HEPHL1: variants seen among roughly 807,000 people sequenced by gnomAD.
HEPHL1 encodes ferroxidase HEPHL1.
A neutral mutation model predicts 122.0 loss-of-function variants in HEPHL1; 123 were observed. The observed-to-expected ratio is 1.01, with a 90% confidence interval of 0.87 to 1.17. HEPHL1 has a LOEUF of 1.17. HEPHL1 is among the 50% of genes most tolerant of loss of function. HEPHL1 has a pLI of 0.00. For missense variants in HEPHL1, 1,452 were observed against 1,430.5 expected (o/e 1.01, Z -0.24); for synonymous variants, 527 against 508.9 (o/e 1.04, Z -0.48).
At chr11:94,064,709 A>G (rs1221109519) in intron 4 of HEPHL1, among the ~76,000 whole-genome samples, 199 bp downstream of exon 4, 3 of 152,168 alleles carry the variant, frequency 2.0e-5, no homozygotes, top group African/African-American at 7.2e-5. Context: ...CAGTGGATGC[A>G]TGCTAAATTG....
chr11:94,060,149 T>TATAC (rs1945974993), intron 2 of HEPHL1, among the ~76,000 whole-genome samples: 1 of 103,010 alleles, frequency 9.7e-6, no homozygotes, highest in African/African-American at 3.9e-5. Flanking sequence ...TATATATATA[T>TATAC]ACACGCACTG....
intron 2 of HEPHL1, among the ~76,000 whole-genome samples, chr11:94,046,188 T>TG (rs1196903776): frequency 1.4e-5 from 2 of 141,502 alleles, no homozygotes; most frequent in African/African-American, 5.2e-5. Context: ...TCCGTCTCCC[T>TG]GGTTCAGGAT....
chr11:94,092,458 G>A (rs891539943), intron 12 of HEPHL1, among the ~76,000 whole-genome samples: 1 of 152,178 alleles, frequency 6.6e-6, no homozygotes, highest in Non-Finnish European at 1.5e-5. Flanking sequence ...TTCAGCTGAG[G>A]TCAAACAAGG....
chr11:94,066,260 A>C (rs147107159), intron 4 of HEPHL1, among the ~76,000 whole-genome samples: 104 of 152,090 alleles, frequency 6.8e-4, no homozygotes, highest in African/African-American at 2.4e-3. Context: ...ACAATCCTTC[A>C]AGACTGGAAA....
At chr11:94,102,804 C>G (rs893611363) in intron 14 of HEPHL1, 110 bp from the exon 15 acceptor site, 1 of 617,458 alleles carries the variant, frequency 1.6e-6, no homozygotes, top group African/African-American at 1.9e-5. Context: ...GTAATTCTCT[C>G]CAGCAATAAA....
At chr11:94,070,602 C>T in intron 6 of HEPHL1, 60 bp downstream of exon 6, 2 of 1,385,056 alleles carry the variant, frequency 1.4e-6, no homozygotes, top group Non-Finnish European at 1.0e-6. Context: ...GTTAGGCTTT[C>T]TCTGTGATCT....
chr11:94,078,373 C>G (rs1361600752), intron 9 of HEPHL1, among the ~76,000 whole-genome samples: 1 of 148,344 alleles, frequency 6.7e-6, no homozygotes, highest in Non-Finnish European at 1.5e-5. Context: ...GCTGTGGGAG[C>G]CTACTATGTA....
chr11:94,026,432 AAGGC>A (rs1205483274), intron 1 of HEPHL1, among the ~76,000 whole-genome samples: 1 of 152,186 alleles, frequency 6.6e-6, no homozygotes, highest in Non-Finnish European at 1.5e-5. Flanking sequence ...TGAATATTGC[AAGGC>A]AGCTGGCAGT....
chr11:94,067,448 G>T, intron 4 of HEPHL1, 48 bp from the exon 5 acceptor site: 1 of 1,590,438 alleles, frequency 6.3e-7, no homozygotes, highest in South Asian at 1.1e-5. Context: ...TCTGGTCCCA[G>T]TCGCCTCTGC....
chr11:94,026,309 T>C (rs1005570818), intron 1 of HEPHL1, among the ~76,000 whole-genome samples: 2 of 152,192 alleles, frequency 1.3e-5, no homozygotes, highest in Non-Finnish European at 2.9e-5. Context: ...TTAAATCTCA[T>C]TGGATACTCA....
intron 17 of HEPHL1, among the ~76,000 whole-genome samples, chr11:94,109,933 A>G (rs944019132): frequency 2.0e-5 from 3 of 152,220 alleles, no homozygotes; most frequent in Admixed American, 2.0e-4. Flanking sequence ...AATGTTTGGT[A>G]GAATTTGCCA....
At chr11:94,089,701 C>A (rs1946249728) in intron 12 of HEPHL1, among the ~76,000 whole-genome samples, 1 of 152,136 alleles carries the variant, frequency 6.6e-6, no homozygotes, top group Admixed American at 6.5e-5. Context: ...AGACCTCCTC[C>A]CCCAGGGCTA....
At chr11:94,057,885 A>G (rs1178310110) in intron 2 of HEPHL1, among the ~76,000 whole-genome samples, 1 of 152,028 alleles carries the variant, frequency 6.6e-6, no homozygotes, top group Non-Finnish European at 1.5e-5. Context: ...TAAGAATATA[A>G]TGTAGCATAT....
intron 1 of HEPHL1, among the ~76,000 whole-genome samples, chr11:94,031,451 T>C (rs1320300100): frequency 1.3e-5 from 2 of 152,190 alleles, no homozygotes; most frequent in African/African-American, 4.8e-5. Flanking sequence ...TATCAGCACC[T>C]GTAGACCACC....
chr11:94,073,044 A>G lies in HEPHL1; in HGVS notation c.1252A>G (p.Thr418Ala), dbSNP rs758682788. 6.2e-7 allele frequency: 1 copy of G among 1,612,728 alleles called. No individual in the cohort carries two copies. Among genetic ancestry groups the G allele is most frequent in the Admixed American group, 1.7e-5 (1 of 59,876 alleles). ...TTTCAGTGACTCTGATCTCTACTTC[A>G]CACAAGGGGACAACAGAATAGGAGG... is the stretch of plus-strand genomic sequence containing the variant. ...ASGSDSDLYF[T>A]QGDNRIGGKY... Residue 418 changes from threonine to alanine, a missense_variant, in exon 7 of 20, where the codon ACA becomes GCA. Coordinates refer to ENST00000315765, the MANE Select transcript of HEPHL1 (RefSeq NM_001098672.2).
At chr11:94,097,652 A>G (rs1946329147) in intron 13 of HEPHL1, among the ~76,000 whole-genome samples, 2 of 152,120 alleles carry the variant, frequency 1.3e-5, no homozygotes, top group Admixed American at 1.3e-4. Flanking sequence ...GTGGGAGTCT[A>G]AATCTCTTTG....
Position 94,073,400 on chromosome 11 carries a change from A to T in HEPHL1, c.1465A>T (p.Ile489Phe). 1 of 1,561,838 alleles carries T rather than the reference A, an allele frequency of 6.4e-7. No individual in the cohort carries two copies. The highest frequency in any genetic ancestry group is 8.7e-7 in the Non-Finnish European group (1 of 1,151,830). The change falls in exon 8 of 20, where the codon ATC (isoleucine) becomes TTC (phenylalanine). Residue 489 changes from isoleucine (I) to phenylalanine (F), a missense_variant. Physicochemically the swap from Ile to Phe is conservative, Grantham distance 21 (BLOSUM62 0). Coordinates refer to ENST00000315765, the MANE Select transcript of HEPHL1 (RefSeq NM_001098672.2). ...KVYSILPHGV[I>F]YDKASDAAPN... Reference sequence around the variant, plus strand: ...CTATAGCATTTTACCCCATGGTGTGATCTATGACAAGGCATCTGATGCAGC... The same window carrying T: ...CTATAGCATTTTACCCCATGGTGTGTTCTATGACAAGGCATCTGATGCAGC...
At chr11:94,076,101 C>T (rs113378974) in intron 9 of HEPHL1, among the ~76,000 whole-genome samples, 262 of 152,212 alleles carry the variant, frequency 1.7e-3, no homozygotes, top group African/African-American at 6.1e-3. Context: ...TGTGTGGCTC[C>T]ACTTCTGGAC....
At chr11:94,056,245 A>G (rs572769388) in intron 2 of HEPHL1, among the ~76,000 whole-genome samples, 3 of 152,258 alleles carry the variant, frequency 2.0e-5, no homozygotes, top group South Asian at 2.1e-4. Flanking sequence ...GTGTCTTTCA[A>G]TGTAAGACAC....
Sources: gnomAD v4.1 joint callset for allele counts (sites outside exome capture counted in the v4.1 genomes callset) on GRCh38, gnomAD v4.1.1 for gene constraint, MANE v1.5 for transcripts, NCBI Gene and HGNC (gene_info 2026-07-23, HGNC 2026-07-21) for gene names.